The following CSMD1 variants were observed in gnomAD, a reference collection of about 807,000 sequenced individuals.
The protein encoded by CSMD1 is CUB and Sushi multiple domains 1.
CSMD1 carries 213 observed loss-of-function variants against 417.5 expected under a neutral mutation model. The ratio of observed to expected loss-of-function variants is 0.51; its 90% CI spans 0.46 to 0.57. The LOEUF (loss-of-function observed/expected upper bound fraction) is 0.57. Among genes scored for constraint, CSMD1 ranks in the 20% least tolerant of loss-of-function variants. The pLI is 0.00. For missense variants in CSMD1, 6,923 were observed against 4,529.7 expected (o/e 1.53, Z -15.17); for synonymous variants, 2,862 against 1,736.8 (o/e 1.65, Z -16.11).
chr8:4,158,600 T>G (rs890166442), intron 3 of CSMD1, among the ~76,000 whole-genome samples: 2 of 152,152 alleles, frequency 1.3e-5, no homozygotes, highest in Admixed American at 6.5e-5. Context: ...TCCTTCTTAT[T>G]TTTCTGGCCC....
chr8:4,738,665 G>C (rs1463893652), intron 1 of CSMD1, among the ~76,000 whole-genome samples: 1 of 151,608 alleles, frequency 6.6e-6, no homozygotes, highest in Admixed American at 6.6e-5. Context: ...GTCATTTTTT[G>C]ACAAAGTAAA....
intron 5 of CSMD1, among the ~76,000 whole-genome samples, chr8:3,942,859 T>C (rs1205565116): frequency 2.0e-5 from 3 of 152,124 alleles, no homozygotes; most frequent in Admixed American, 6.6e-5. Flanking sequence ...TCCCACAAAT[T>C]GATGTGATAA....
rs1805481590 is a variant in CSMD1 at position 3,871,531 on chromosome 8, T to C, written c.819-117489A>G. Among the ~76,000 whole-genome samples the C allele has an allele frequency of 2.6e-5, 4 of 152,206 alleles. No homozygotes were observed. In the South Asian group the frequency reaches 8.3e-4, roughly 31 times the overall value. On this transcript the variant is annotated intron_variant, in intron 5 of 69. Transcript: ENST00000635120. ...TATCTCCATAATGAATAATGCTTGATTTTAATTTTTCTTAGTCTATTAGGT... is the reference window on the plus strand; with the variant it reads ...TATCTCCATAATGAATAATGCTTGACTTTAATTTTTCTTAGTCTATTAGGT...
intron 10 of CSMD1, among the ~76,000 whole-genome samples, chr8:3,503,243 A>G (rs1796682012): frequency 6.6e-6 from 1 of 152,200 alleles, no homozygotes; most frequent in Non-Finnish European, 1.5e-5. Context: ...ATTCTGGGAT[A>G]TCCTTGCTTT....
chr8:3,091,866 T>G (rs979483759), intron 47 of CSMD1, among the ~76,000 whole-genome samples: 13 of 152,174 alleles, frequency 8.5e-5, no homozygotes, highest in Admixed American at 5.9e-4. Context: ...AAAAAGAATT[T>G]CAGGTGCATA....
intron 25 of CSMD1, among the ~76,000 whole-genome samples, chr8:3,293,087 G>C (rs952755359): frequency 2.6e-5 from 4 of 151,942 alleles, no homozygotes; most frequent in African/African-American, 9.7e-5. Flanking sequence ...CACTTATGAA[G>C]CTTAGTTTGG....
intron 5 of CSMD1, among the ~76,000 whole-genome samples, chr8:3,997,356 C>G (rs146415778): frequency 2.0e-5 from 3 of 152,154 alleles, no homozygotes; most frequent in African/African-American, 7.2e-5. Flanking sequence ...CACCAGAGAA[C>G]TGACCACCCT....
At chr8:4,733,039 C>G (rs1198826628) in intron 1 of CSMD1, among the ~76,000 whole-genome samples, 2 of 152,022 alleles carry the variant, frequency 1.3e-5, no homozygotes, top group African/African-American at 2.4e-5. Flanking sequence ...AAAAAAATCC[C>G]CAAATGAAAA....
chr8:4,796,256 G>C (rs1053044653), intron 1 of CSMD1, among the ~76,000 whole-genome samples: 1 of 151,920 alleles, frequency 6.6e-6, no homozygotes, highest in Non-Finnish European at 1.5e-5. Flanking sequence ...TTTGCTGTGA[G>C]GCTGGAACAA....
At chr8:3,932,412 G>C (rs1017029039) in intron 5 of CSMD1, among the ~76,000 whole-genome samples, 3 of 150,314 alleles carry the variant, frequency 2.0e-5, no homozygotes, top group Admixed American at 6.6e-5. Context: ...CATCTGCATT[G>C]ACATTTCTCA....
chr8:3,663,977 C>A (rs889774268), intron 7 of CSMD1, among the ~76,000 whole-genome samples: 2 of 152,154 alleles, frequency 1.3e-5, no homozygotes, highest in Admixed American at 1.3e-4. Context: ...ATTACTAAAT[C>A]TTATTGTAAA....
chr8:4,487,662 G>A (rs1448043999), intron 2 of CSMD1, among the ~76,000 whole-genome samples: 1 of 152,088 alleles, frequency 6.6e-6, no homozygotes, highest in African/African-American at 2.4e-5. Flanking sequence ...TCAAAAAAAG[G>A]ATTTTTCTGT....
intron 10 of CSMD1, among the ~76,000 whole-genome samples, chr8:3,545,303 A>G (rs11990919): frequency 0.047 from 7,214 of 152,304 alleles, 495 homozygotes; most frequent in African/African-American, 0.15. Context: ...AGTTGCTTTT[A>G]TCCCTAGAAT....
At chr8:3,750,529 G>C (rs1175750548) in intron 6 of CSMD1, among the ~76,000 whole-genome samples, 1 of 151,250 alleles carries the variant, frequency 6.6e-6, no homozygotes, top group African/African-American at 2.4e-5. Context: ...AATTTTTGTT[G>C]GCACAAATAA....
chr8:4,874,085 A>AC (rs762785735), intron 1 of CSMD1, among the ~76,000 whole-genome samples: 5 of 152,114 alleles, frequency 3.3e-5, no homozygotes, highest in Non-Finnish European at 5.9e-5. Context: ...ATAGGCAAGC[A>AC]CCGCATCAGG....
chr8:4,947,570 G>A (rs1338622284), intron 1 of CSMD1, among the ~76,000 whole-genome samples: 1 of 152,036 alleles, frequency 6.6e-6, no homozygotes, highest in East Asian at 1.9e-4. Flanking sequence ...AAATTAACTT[G>A]TATGAAAAAT....
At chr8:4,875,332 A>G (rs1802980625) in intron 1 of CSMD1, among the ~76,000 whole-genome samples, 1 of 152,070 alleles carries the variant, frequency 6.6e-6, no homozygotes, top group South Asian at 2.1e-4. Flanking sequence ...ATAACATGCG[A>G]CGGTTATTGA....
intron 1 of CSMD1, among the ~76,000 whole-genome samples, chr8:4,683,461 G>C (rs1393564176): frequency 2.0e-5 from 3 of 152,110 alleles, no homozygotes; most frequent in East Asian, 1.9e-4. Flanking sequence ...AAGTCTATCA[G>C]ACTCCACTCC....
intron 2 of CSMD1, among the ~76,000 whole-genome samples, chr8:4,507,355 A>G (rs1802581339): frequency 6.6e-6 from 1 of 152,228 alleles, no homozygotes; most frequent in Non-Finnish European, 1.5e-5. Flanking sequence ...TCTGTTTACA[A>G]GACTCTCCCA....
Sources: allele counts gnomAD v4.1 joint callset (sites outside exome capture counted in the v4.1 genomes callset), GRCh38; gene constraint gnomAD v4.1.1; transcripts MANE v1.5; gene names NCBI Gene and HGNC (gene_info 2026-07-23, HGNC 2026-07-21).